The following PLD2 variants were observed in gnomAD, a reference collection of about 807,000 sequenced individuals.
The protein encoded by PLD2 is choline phosphatase 2.
PLD2 carries 101 observed loss-of-function variants against 119.8 expected under a neutral mutation model. The observed-to-expected ratio is 0.84, with a 90% CI of 0.72 to 0.99. The LOEUF is 0.99. PLD2 is among the 50% of genes least tolerant of loss of function. The probability of loss-of-function intolerance (pLI) is 0.00; values close to 1 mark genes in which losing one functional copy is unlikely to be tolerated. For missense variants in PLD2, 1,164 were observed against 1,226.8 expected (o/e 0.95, Z 0.76); for synonymous variants, 494 against 482.8 (o/e 1.02, Z -0.30).
chr17:4,822,905 C>T lies in PLD2; in HGVS notation c.*41C>T. The T allele has an allele frequency of 8.7e-7, 1 of 1,152,870 alleles. No homozygotes were observed. The highest frequency in any genetic ancestry group is 1.3e-5 in the South Asian group (1 of 76,086). 71.4% of individuals were successfully genotyped at this position (1,152,870 alleles called of 1,614,324 possible). A position where few individuals can be genotyped will look rare whatever the true frequency, so the allele number is the denominator to read the frequency against. On this transcript the variant is annotated 3_prime_UTR_variant, in exon 25 of 25. Coordinates refer to ENST00000263088, the MANE Select transcript of PLD2 (RefSeq NM_002663.5). ...GGGAGAGGTCACCAGCTGCTGTGCC[C>T]CACCACGTCTGGCTCCCTGCCCCTT...
rs748508834 is a variant in PLD2 at position 4,822,790 on chromosome 17, T to C, written c.2728T>C (p.Phe910Leu). ...QGHLVHFPLKFLEDESLLPPL... is the reference protein window; with the variant it reads ...QGHLVHFPLKLLEDESLLPPL... ...CCACCTGGTCCACTTCCCCCTCAAG[T>C]TCCTAGAGGATGAGTCTTTGCTGCC... The change falls in exon 25 of 25, where the codon TTC becomes CTC. Residue 910 changes from phenylalanine (F) to leucine (L), a missense_variant. Phe to Leu is a conservative substitution (Grantham distance 22, BLOSUM62 0). Coordinates refer to ENST00000263088, the MANE Select transcript of PLD2 (RefSeq NM_002663.5). The C allele has an allele frequency of 6.2e-7, 1 of 1,613,444 alleles. No individual in the cohort carries two copies. The highest frequency in any genetic ancestry group is 8.5e-7 in the Non-Finnish European group (1 of 1,179,350).
In PLD2 at chr17:4,818,062, T is replaced by C. The variant is rs769449979; in HGVS notation, c.1876T>C (p.Tyr626His). The C allele has an allele frequency of 6.2e-7, 1 of 1,614,098 alleles. No homozygotes were observed. The highest frequency in any genetic ancestry group is 8.5e-7 in the Non-Finnish European group (1 of 1,179,904). The change falls in exon 18 of 25, where the codon TAC (tyrosine) becomes CAC (histidine). Residue 626 changes from tyrosine to histidine, a missense_variant. Transcript: ENST00000263088. ...TCTGGAGAACTCCATCCTCAATGCCTACCTGCACACCATCAGGGAGAGCCA... is the reference window on the plus strand; with the variant it reads ...TCTGGAGAACTCCATCCTCAATGCCCACCTGCACACCATCAGGGAGAGCCA... ...GTLENSILNA[Y>H]LHTIRESQHF...
chr17:4,822,813 GC>G lies in PLD2; in HGVS notation c.2756del (p.Pro919ArgfsTer8). The G allele has an allele frequency of 6.2e-7, 1 of 1,613,326 alleles. No individual in the cohort carries two copies. Among genetic ancestry groups the G allele is most frequent in the East Asian group, 2.2e-5 (1 of 44,874 alleles). ...AGTTCCTAGAGGATGAGTCTTTGCT[GC>G]CCCCGCTGGGTAGCAAGGAGGGCAT... ...LKFLEDESLL[P>X]PLGSKEGMIP... On this transcript the variant is annotated frameshift_variant, in exon 25 of 25. Coordinates refer to ENST00000263088, the MANE Select transcript of PLD2 (RefSeq NM_002663.5). LOFTEE classifies it high-confidence loss of function.
At chr17:4,816,022 T>C in intron 14 of PLD2, 88 bp downstream of exon 14, 1 of 1,003,726 alleles carries the variant, frequency 1.0e-6, no homozygotes, top group Non-Finnish European at 1.5e-6. Context: ...ACCCCCTCAG[T>C]CATTCCAGGC....
Position 4,819,460 on chromosome 17 carries a change from G to A in PLD2, c.2340G>A (p.Leu780=), listed in dbSNP as rs1209722464. ...CAAACATCAATGACCGGAGCTTGCTGGGGAAGCGGGACAGTGAGCTGGCCG... is the reference window on the plus strand; with the variant it reads ...CAAACATCAATGACCGGAGCTTGCTAGGGAAGCGGGACAGTGAGCTGGCCG... ...GSANINDRSL[L]GKRDSELAVL... Residue 780 remains leucine, a synonymous_variant, in exon 23 of 25, where the codon CTG becomes CTA. Transcript: ENST00000263088. This position sits in a 1 kb window ranked among gnomAD's most constrained non-coding sequence, Gnocchi z 4.2. The A allele has an allele frequency of 6.2e-7, 1 of 1,613,874 alleles. No individual in the cohort carries two copies. The highest frequency in any genetic ancestry group is 1.3e-5 in the African/African-American group (1 of 74,918).
chr17:4,815,883 G>T lies in PLD2; in HGVS notation c.1404G>T (p.Leu468=). 1.2e-6 allele frequency: 2 copies of T among 1,614,044 alleles called. No homozygotes were observed. Among genetic ancestry groups the T allele is most frequent in the Non-Finnish European group, 1.7e-6 (2 of 1,179,988 alleles). The stretch of plus-strand genomic sequence containing the variant: ...TTGCCTATGGCCGCTGGGATGACCT[G>T]CACTACCGACTGACTGACCTTGGAG... ...LDLAYGRWDD[L]HYRLTDLGDS... The change falls in exon 14 of 25, where the codon CTG becomes CTT. Residue 468 remains leucine (L), a synonymous_variant. Transcript: ENST00000263088.
Position 4,819,355 on chromosome 17 carries a change from T to A in PLD2, c.2309-74T>A. ...AAGAAGGAATGTTGCAGGCCAGTGC[T>A]TTGGTAGAGGGGATGGGGTACTGGG... is the stretch of plus-strand genomic sequence containing the variant. On this transcript the variant is annotated intron_variant, in intron 22 of 24. Transcript: ENST00000263088. This position sits in a 1 kb window ranked among gnomAD's most constrained non-coding sequence, Gnocchi z 4.2. 3.7e-6 allele frequency: 6 copies of A among 1,604,344 alleles called. No individual in the cohort carries two copies. Among genetic ancestry groups the A allele is most frequent in the Non-Finnish European group, 5.1e-6 (6 of 1,174,402 alleles).
In PLD2 at chr17:4,822,817, C is replaced by T. The variant is rs1457343703; in HGVS notation, c.2755C>T (p.Pro919Ser). 1.6e-5 allele frequency: 26 copies of T among 1,613,100 alleles called. No individual in the cohort carries two copies. The highest frequency in any genetic ancestry group is 2.2e-5 in the Non-Finnish European group (26 of 1,179,126). The change falls in exon 25 of 25, where the codon CCG becomes TCG. Residue 919 changes from proline (P) to serine (S), a missense_variant. Coordinates refer to ENST00000263088, the MANE Select transcript of PLD2 (RefSeq NM_002663.5). ...CCTAGAGGATGAGTCTTTGCTGCCC[C>T]CGCTGGGTAGCAAGGAGGGCATGAT... Reference protein sequence around the residue: ...KFLEDESLLPPLGSKEGMIPL... With the variant: ...KFLEDESLLPSLGSKEGMIPL...
chr17:4,812,539 C>T (rs1906586076), intron 10 of PLD2, among the ~76,000 whole-genome samples: 2 of 151,644 alleles, frequency 1.3e-5, no homozygotes, highest in Non-Finnish European at 2.9e-5. Context: ...GTGATCTGCC[C>T]ACCTCGGCCT....
intron 17 of PLD2, among the ~76,000 whole-genome samples, chr17:4,817,786 GTC>G (rs898840959): frequency 7.1e-6 from 1 of 140,336 alleles, no homozygotes; most frequent in African/African-American, 2.7e-5. Context: ...ATGAAACCCT[GTC>G]TCTACTAAAA....
intron 10 of PLD2, among the ~76,000 whole-genome samples, chr17:4,813,128 G>A (rs533124948): frequency 6.6e-6 from 1 of 152,320 alleles, no homozygotes; most frequent in East Asian, 1.9e-4. Flanking sequence ...TCCTGCCTCG[G>A]CCTCCTGAGT....
intron 10 of PLD2, among the ~76,000 whole-genome samples, chr17:4,812,293 TGG>T (rs1491541422): frequency 1.5e-5 from 2 of 133,412 alleles, no homozygotes; most frequent in Non-Finnish European, 3.1e-5. Flanking sequence ...ATTTTTGTTT[TGG>T]TTTTTTTTTT....
In PLD2 at chr17:4,807,878, C is replaced by T; in HGVS notation, c.106C>T (p.Pro36Ser). 1 of 1,612,562 alleles carries T rather than the reference C, an allele frequency of 6.2e-7. No homozygotes were observed. The highest frequency in any genetic ancestry group is 1.7e-5 in the Admixed American group (1 of 59,938). Residue 36 changes from proline (P) to serine (S), a missense_variant, in exon 2 of 25, where the codon CCA becomes TCA. Coordinates refer to ENST00000263088, the MANE Select transcript of PLD2 (RefSeq NM_002663.5). This position sits in a 1 kb window ranked among gnomAD's most constrained non-coding sequence, Gnocchi z 5.4. Reference sequence around the variant, plus strand: ...GGACACCCTGAAGGAGGGAGAGGACCCAGGTACACAGGGAAGATGGATGGC... The same window carrying T: ...GGACACCCTGAAGGAGGGAGAGGACTCAGGTACACAGGGAAGATGGATGGC... ...EVDTLKEGED[P>S]ADRMHPFLAI...
rs770743350 is a variant in PLD2 at position 4,816,633 on chromosome 17, G to T, written c.1469G>T (p.Arg490Leu). Residue 490 changes from arginine (R) to leucine (L), a missense_variant, in exon 15 of 25, where the codon CGC becomes CTC. Arg to Leu is a moderately radical substitution (Grantham distance 102, BLOSUM62 -2). Transcript: ENST00000263088. ...TTCCCCCTACAGCCTCCCACCCCGC[G>T]CCCAGACTCACCAGCCACCCCAGAC... is the stretch of plus-strand genomic sequence containing the variant. Reference protein sequence around the residue: ...ESAASQPPTPRPDSPATPDLS... With the variant: ...ESAASQPPTPLPDSPATPDLS... The T allele has an allele frequency of 1.6e-5, 26 of 1,613,396 alleles. No individual in the cohort carries two copies. The highest frequency in any genetic ancestry group is 1.9e-5 in the Non-Finnish European group (23 of 1,179,860).
In PLD2 at chr17:4,816,753, C is replaced by T; in HGVS notation, c.1582+7C>T. 1 of 1,614,190 alleles carries T rather than the reference C, an allele frequency of 6.2e-7. No homozygotes were observed. Among genetic ancestry groups the T allele is most frequent in the Non-Finnish European group, 8.5e-7 (1 of 1,180,012 alleles). On this transcript the variant is annotated splice_region_variant and intron_variant, in intron 15 of 24. Coordinates refer to ENST00000263088, the MANE Select transcript of PLD2 (RefSeq NM_002663.5). ...CTGGACCGGCCTTTCGAAGGTGAAG[C>T]CTCCCACCCGCCAAAGCCCCAGAGA... is the stretch of plus-strand genomic sequence containing the variant.
At position 4,807,778 on chromosome 17, in the gene PLD2, G is replaced by C; in HGVS notation, c.6G>C (p.Thr2=). 1 of 1,595,958 alleles carries C rather than the reference G, an allele frequency of 6.3e-7. No homozygotes were observed. The highest frequency in any genetic ancestry group is 8.6e-7 in the Non-Finnish European group (1 of 1,169,266). ...GGCTTCCCAATGTTCCTAGGATGACGGCGACCCCTGAGAGCCTCTTCCCCA... is the reference window on the plus strand; with the variant it reads ...GGCTTCCCAATGTTCCTAGGATGACCGCGACCCCTGAGAGCCTCTTCCCCA... The part of the protein sequence containing the change: M[T]ATPESLFPTG... The change falls in exon 2 of 25, where the codon ACG becomes ACC. Residue 2 remains threonine (T), a synonymous_variant. Coordinates refer to ENST00000263088, the MANE Select transcript of PLD2 (RefSeq NM_002663.5). The surrounding 1 kb of genome is among the most constrained non-coding windows in gnomAD (Gnocchi z 5.4).
chr17:4,823,084 C>G lies in PLD2; in HGVS notation c.*220C>G, dbSNP rs1907842538. 9 of 551,260 alleles carry G rather than the reference C, an allele frequency of 1.6e-5. No homozygotes were observed. The East Asian group carries it at 2.6e-4, about 16-fold the overall frequency. 34.1% of individuals were successfully genotyped at this position (551,260 alleles called of 1,614,324 possible). A position where few individuals can be genotyped will look rare whatever the true frequency, so the allele number is the denominator to read the frequency against. ...GGGAGGAGGAGAGAGTCCCAGAGCT[C>G]ATCCCCCCTGCTGCCCAGTGCAAAC... On this transcript the variant is annotated 3_prime_UTR_variant, in exon 25 of 25. Coordinates refer to ENST00000263088, the MANE Select transcript of PLD2 (RefSeq NM_002663.5).
In PLD2 at chr17:4,819,724, G is replaced by A. The variant is rs913168984; in HGVS notation, c.2462+142G>A. The A allele has an allele frequency of 5.5e-5, 47 of 846,960 alleles. No individual in the cohort carries two copies. Among genetic ancestry groups the A allele is most frequent in the Admixed American group, 2.4e-4 (8 of 33,110 alleles). 52.5% of individuals were successfully genotyped at this position (846,960 alleles called of 1,614,324 possible). A position where few individuals can be genotyped will look rare whatever the true frequency, so the allele number is the denominator to read the frequency against. ...AGATTCTCAATAGGCAAGGCTGGGC[G>A]CGGCAGCTCACGCCTCTAATCCCAG... is the stretch of plus-strand genomic sequence containing the variant. On this transcript the variant is annotated intron_variant, in intron 23 of 24. Transcript: ENST00000263088. The surrounding 1 kb of genome is among the most constrained non-coding windows in gnomAD (Gnocchi z 4.2).
intron 18 of PLD2, 32 bp from the exon 19 acceptor site, chr17:4,818,265 C>A (rs930304772): frequency 6.3e-7 from 1 of 1,583,782 alleles, no homozygotes; most frequent in Non-Finnish European, 8.7e-7. Flanking sequence ...AGGGGCCAGG[C>A]TGCTGATGTC....
Sources: gnomAD v4.1 joint callset for allele counts (sites outside exome capture counted in the v4.1 genomes callset) on GRCh38, gnomAD v4.1.1 for gene constraint, Gnocchi (gnomAD v3.1) non-coding constraint, MANE v1.5 for transcripts, NCBI Gene and HGNC (gene_info 2026-07-23, HGNC 2026-07-21) for gene names.